Variants in RLF observed in about 807,000 individuals in gnomAD.
RLF encodes RLF zinc finger.
A neutral mutation model predicts 162.9 loss-of-function variants in RLF; 7 were observed. The observed-to-expected ratio is 0.04, with a 90% CI of 0.02 to 0.08. The LOEUF is 0.08. RLF is among the 10% of genes least tolerant of loss of function. RLF has a pLI of 1.00. For synonymous variants in RLF, 782 were observed against 791.5 expected (o/e 0.99, Z 0.20); for missense variants, 1,664 against 2,244.7 (o/e 0.74, Z 5.23).
At chr1:40,162,114 A>G (rs1187951271) in intron 1 of RLF, among the ~76,000 whole-genome samples, 4 of 151,366 alleles carry the variant, frequency 2.6e-5, no homozygotes, top group Non-Finnish European at 5.9e-5. Context: ...AAGGTATGAC[A>G]GTTGGCTTCG....
rs1452141700 is a variant in RLF, at chr1:40,240,578, T to C, written c.*131T>C. 6.2e-6 allele frequency: 4 copies of C among 650,296 alleles called. No homozygotes were observed. The highest frequency in any genetic ancestry group is 2.5e-4 in the Middle Eastern group (1 of 3,960). The allele number at this position is 650,296 out of a possible 1,614,324, so 40.3% of individuals were successfully genotyped here. On this transcript the variant is annotated 3_prime_UTR_variant, in exon 8 of 8. Coordinates refer to ENST00000372771, the MANE Select transcript of RLF (RefSeq NM_012421.4). ...AATAGGCTGTGTATTTACATGAATG[T>C]ATAATATCTATGTCAGCAGTATTGG...
chr1:40,180,054 A>G (rs938354038), intron 1 of RLF, among the ~76,000 whole-genome samples: 4 of 152,174 alleles, frequency 2.6e-5, no homozygotes, highest in Admixed American at 2.0e-4. Context: ...ACACGCGTGT[A>G]CAAATACCTC....
At chr1:40,234,505 T>C (rs1445070958) in intron 7 of RLF, among the ~76,000 whole-genome samples, 2 of 152,242 alleles carry the variant, frequency 1.3e-5, no homozygotes. Context: ...ATTTAAACAG[T>C]GGAATTTACT....
intron 5 of RLF, among the ~76,000 whole-genome samples, chr1:40,220,475 C>G (rs1642977444): frequency 6.6e-6 from 1 of 152,158 alleles, no homozygotes; most frequent in Non-Finnish European, 1.5e-5. Flanking sequence ...CCACTTTACC[C>G]AGAAAGTCTT....
chr1:40,168,302 G>A (rs12122168), intron 1 of RLF, among the ~76,000 whole-genome samples: 9,477 of 152,246 alleles, frequency 0.062, 419 homozygotes, highest in Non-Finnish European at 0.094. Flanking sequence ...AGGCTGGAGT[G>A]CAATGGTAAG....
Position 40,240,039 on chromosome 1 carries a change from A to G in RLF, c.5337A>G (p.Glu1779=), listed in dbSNP as rs761864687. ...FESSFLKFIQ[E]SEEKEDDFDD... ...CTTCATTTCTGAAATTTATTCAGGAAAGTGAAGAGAAAGAAGATGATTTTG... is the reference window on the plus strand; with the variant it reads ...CTTCATTTCTGAAATTTATTCAGGAGAGTGAAGAGAAAGAAGATGATTTTG... The change falls in exon 8 of 8, where the codon GAA becomes GAG. Residue 1779 remains glutamate (E), a synonymous_variant. Coordinates refer to ENST00000372771, the MANE Select transcript of RLF (RefSeq NM_012421.4). 5 of 1,614,012 alleles carry G rather than the reference A, an allele frequency of 3.1e-6. No homozygotes were observed. Among genetic ancestry groups the G allele is most frequent in the South Asian group, 1.1e-5 (1 of 91,088 alleles).
chr1:40,174,342 A>C (rs967548324), intron 1 of RLF, among the ~76,000 whole-genome samples: 1 of 152,004 alleles, frequency 6.6e-6, no homozygotes, highest in African/African-American at 2.4e-5. Flanking sequence ...CTGCACTCCA[A>C]CATGGGTAAC....
At position 40,240,041 on chromosome 1, in the gene RLF, G is replaced by A. The variant is rs1405765311; in HGVS notation, c.5339G>A (p.Ser1780Asn). The A allele has an allele frequency of 6.2e-7, 1 of 1,614,136 alleles. No homozygotes were observed. The highest frequency in any genetic ancestry group is 1.7e-5 in the Admixed American group (1 of 60,014). ...TCATTTCTGAAATTTATTCAGGAAA[G>A]TGAAGAGAAAGAAGATGATTTTGAT... The part of the protein sequence containing the change: ...ESSFLKFIQE[S>N]EEKEDDFDDW... The change falls in exon 8 of 8, where the codon AGT becomes AAT. Residue 1780 changes from serine (S) to asparagine (N), a missense_variant. Physicochemically the swap from Ser to Asn is conservative, Grantham distance 46. Around this residue, in one of 15 missense-constraint regions of RLF, gnomAD observed 327 missense variants for 342.7 expected, o/e 0.95. Coordinates refer to ENST00000372771, the MANE Select transcript of RLF (RefSeq NM_012421.4).
chr1:40,225,878 CAAAAAAAAAAAAAA>C (rs71577617), intron 6 of RLF, among the ~76,000 whole-genome samples: 2 of 14,782 alleles, frequency 1.4e-4, no homozygotes, highest in African/African-American at 4.8e-4. Context: ...GACTCCGTCG[CAAAAAAAAAAAAAA>C]AAAAAAAAAA....
chr1:40,220,849 AG>A (rs1642982892), intron 5 of RLF, among the ~76,000 whole-genome samples: 1 of 152,004 alleles, frequency 6.6e-6, no homozygotes, highest in African/African-American at 2.4e-5. Context: ...TAATAGGGCC[AG>A]GGCATTGGCT....
chr1:40,227,090 C>T (rs943146657), intron 6 of RLF, among the ~76,000 whole-genome samples: 1 of 152,128 alleles, frequency 6.6e-6, no homozygotes, highest in Non-Finnish European at 1.5e-5. Context: ...GTCTCGAGCT[C>T]CTGACCTCAG....
At chr1:40,232,382 C>T (rs1275678256) in intron 7 of RLF, among the ~76,000 whole-genome samples, 2 of 152,072 alleles carry the variant, frequency 1.3e-5, no homozygotes, top group African/African-American at 4.8e-5. Context: ...AAACAATGTC[C>T]GTTTTTATCA....
Position 40,168,955 on chromosome 1 carries a change from T to C in RLF, c.237+7319T>C, listed in dbSNP as rs186878757. Among the ~76,000 whole-genome samples the C allele has an allele frequency of 2.6e-5, 4 of 152,164 alleles. No individual in the cohort carries two copies. In the East Asian group the frequency reaches 5.8e-4, roughly 22 times the overall value. The stretch of plus-strand genomic sequence containing the variant: ...TTGCAGTGGGCAGAAATCATGCCGT[T>C]GCACTCCATCCTGGGCAACAAGAGC... On this transcript the variant is annotated intron_variant, in intron 1 of 7. Coordinates refer to ENST00000372771, the MANE Select transcript of RLF (RefSeq NM_012421.4).
At chr1:40,169,172 G>A (rs1322749573) in intron 1 of RLF, among the ~76,000 whole-genome samples, 2 of 152,132 alleles carry the variant, frequency 1.3e-5, no homozygotes, top group Admixed American at 1.3e-4. Flanking sequence ...TTTACAGACA[G>A]AAAACTGAGG....
intron 1 of RLF, among the ~76,000 whole-genome samples, chr1:40,177,186 A>G (rs1322820034): frequency 6.6e-6 from 1 of 151,762 alleles, no homozygotes; most frequent in Non-Finnish European, 1.5e-5. Flanking sequence ...GGGTTTCGCC[A>G]TGTTGGCCAG....
chr1:40,238,895 T>G lies in RLF; in HGVS notation c.4193T>G (p.Leu1398Arg). 6.2e-7 allele frequency: 1 copy of G among 1,614,226 alleles called. No homozygotes were observed. Among genetic ancestry groups the G allele is most frequent in the East Asian group, 2.2e-5 (1 of 44,888 alleles). The change falls in exon 8 of 8, where the codon CTT becomes CGT. Residue 1398 changes from leucine (L) to arginine (R), a missense_variant. Around this residue, in one of 15 missense-constraint regions of RLF, gnomAD observed 200 missense variants for 207.3 expected, o/e 0.96. Transcript: ENST00000372771. This position sits in a 1 kb window ranked among gnomAD's most constrained non-coding sequence, Gnocchi z 5.2. ...GACCATATTGAAGAGCCTAAAGTACTTTCCGAAGCTGGATCTGCAGCAAGG... is the reference window on the plus strand; with the variant it reads ...GACCATATTGAAGAGCCTAAAGTACGTTCCGAAGCTGGATCTGCAGCAAGG... ...NLDHIEEPKV[L>R]SEAGSAARFS...
chr1:40,186,406 G>A (rs1187978495), intron 1 of RLF, among the ~76,000 whole-genome samples: 1 of 152,158 alleles, frequency 6.6e-6, no homozygotes, highest in Non-Finnish European at 1.5e-5. Context: ...AGGGGGTAAA[G>A]ATTTAGGAAT....
intron 5 of RLF, among the ~76,000 whole-genome samples, chr1:40,222,116 A>T (rs1207810340): frequency 6.6e-6 from 1 of 152,212 alleles, no homozygotes; most frequent in South Asian, 2.1e-4. Context: ...TAGCATTTGT[A>T]TTTAAAGCAG....
intron 1 of RLF, among the ~76,000 whole-genome samples, chr1:40,185,656 C>CAA (rs1163398364): frequency 0.01 from 403 of 38,746 alleles, 7 homozygotes; most frequent in East Asian, 0.058. Context: ...ACTAAAAATA[C>CAA]AAAAAAAAAA....
Sources: gnomAD v4.1 joint callset for allele counts (sites outside exome capture counted in the v4.1 genomes callset) on GRCh38, gnomAD v4.1.1 for gene constraint, gnomAD v4.1.1 regional missense constraint, Gnocchi (gnomAD v3.1) non-coding constraint, MANE v1.5 for transcripts, NCBI Gene and HGNC (gene_info 2026-07-23, HGNC 2026-07-21) for gene names.